The following PRKCQ variants were observed in gnomAD, a reference collection of about 807,000 sequenced individuals.
PRKCQ encodes the protein protein kinase C theta type.
Under a neutral mutation model 91.2 loss-of-function variants are expected in PRKCQ, and 41 were observed. That is an observed-to-expected ratio of 0.45 (90% CI 0.35 to 0.58). PRKCQ has a LOEUF of 0.58. PRKCQ is among the 20% of genes least tolerant of loss of function. PRKCQ has a pLI of 0.00. For synonymous variants in PRKCQ, 307 were observed against 316.9 expected (o/e 0.97, Z 0.33); for missense variants, 673 against 896.5 (o/e 0.75, Z 3.18).
chr10:6,440,621 C>T (rs987282604), intron 16 of PRKCQ, among the ~76,000 whole-genome samples: 1 of 152,166 alleles, frequency 6.6e-6, no homozygotes, highest in African/African-American at 2.4e-5. Flanking sequence ...CTGTCTCCTC[C>T]AGTAGTGAGC....
At chr10:6,501,651 G>A (rs1259383633) in intron 4 of PRKCQ, among the ~76,000 whole-genome samples, 2 of 151,742 alleles carry the variant, frequency 1.3e-5, no homozygotes, top group Non-Finnish European at 2.9e-5. Flanking sequence ...GTGAAACCCC[G>A]TCTCTACTAA....
rs12761302 is a variant in PRKCQ at position 6,553,498 on chromosome 10, A to T, written c.-10+26713T>A. Among the ~76,000 whole-genome samples the T allele has an allele frequency of 4.9e-3, 181 of 37,128 alleles. 1 individual carries two copies. The highest frequency in any genetic ancestry group is 0.047 in the South Asian group (27 of 578). 24.4% of individuals were successfully genotyped at this position (37,128 alleles called of 152,430 possible). ...GAGCAAGACCCTGTCTCAAAAAAAAAAAAAAAAAAAAAAAAAAAACAAACA... is the reference window on the plus strand; with the variant it reads ...GAGCAAGACCCTGTCTCAAAAAAAATAAAAAAAAAAAAAAAAAAACAAACA... On this transcript the variant is annotated intron_variant, in intron 1 of 17. Coordinates refer to ENST00000263125, the MANE Select transcript of PRKCQ (RefSeq NM_006257.5).
At chr10:6,429,079 T>G (rs568077292) in intron 17 of PRKCQ, among the ~76,000 whole-genome samples, 2 of 152,330 alleles carry the variant, frequency 1.3e-5, no homozygotes, top group African/African-American at 4.8e-5. Context: ...GAAAGTGCTA[T>G]GAACACAGAG....
chr10:6,394,654 G>T, the PRKCQ span, among the ~76,000 whole-genome samples: 8 of 144,440 alleles, frequency 5.5e-5, no homozygotes, highest in African/African-American at 2.2e-4. Flanking sequence ...GTCCACGGTG[G>T]GTCAGCTGTT....
At chr10:6,504,045 G>A (rs1030687602) in intron 4 of PRKCQ, among the ~76,000 whole-genome samples, 1 of 152,158 alleles carries the variant, frequency 6.6e-6, no homozygotes, top group Non-Finnish European at 1.5e-5. Context: ...CCAAAGTGCT[G>A]GGATTATAGG....
chr10:6,500,646 T>C (rs1837853662), intron 4 of PRKCQ, among the ~76,000 whole-genome samples: 1 of 152,158 alleles, frequency 6.6e-6, no homozygotes, highest in Non-Finnish European at 1.5e-5. Context: ...TAATTTTTTT[T>C]GTATTGACTA....
At chr10:6,573,332 G>A (rs1002363207) in intron 1 of PRKCQ, among the ~76,000 whole-genome samples, 1 of 152,130 alleles carries the variant, frequency 6.6e-6, no homozygotes. Flanking sequence ...CTCTCAAAAC[G>A]ACAAGAACAA....
the PRKCQ span, among the ~76,000 whole-genome samples, chr10:6,402,494 C>T: frequency 6.6e-6 from 1 of 152,104 alleles, no homozygotes; most frequent in Non-Finnish European, 1.5e-5. Context: ...AGCCTGACTC[C>T]GCATCTCCCT....
intron 12 of PRKCQ, among the ~76,000 whole-genome samples, chr10:6,472,955 C>T (rs1274605268): frequency 6.6e-6 from 1 of 152,182 alleles, no homozygotes; most frequent in Non-Finnish European, 1.5e-5. Context: ...CCAAGGTGAT[C>T]CACCCGCTTC....
At chr10:6,508,939 A>C (rs901960451) in intron 3 of PRKCQ, among the ~76,000 whole-genome samples, 1 of 152,252 alleles carries the variant, frequency 6.6e-6, no homozygotes, top group Non-Finnish European at 1.5e-5. Context: ...CATGAAAGGC[A>C]AATTTGAGAG....
chr10:6,417,071 T>G, the PRKCQ span, among the ~76,000 whole-genome samples: 1 of 152,178 alleles, frequency 6.6e-6, no homozygotes, highest in South Asian at 2.1e-4. Flanking sequence ...TTTGGGACAC[T>G]AGAGGTCTCC....
At chr10:6,496,076 C>T (rs535816375) in intron 7 of PRKCQ, among the ~76,000 whole-genome samples, 1 of 151,770 alleles carries the variant, frequency 6.6e-6, no homozygotes, top group Non-Finnish European at 1.5e-5. Flanking sequence ...ATTAGCCAGG[C>T]GTGGTGGCAT....
chr10:6,573,503 CA>C (rs1052871308), intron 1 of PRKCQ, among the ~76,000 whole-genome samples: 1 of 152,220 alleles, frequency 6.6e-6, no homozygotes, highest in Non-Finnish European at 1.5e-5. Context: ...TACATGTTCT[CA>C]AAGCACCCAA....
rs185431484 is a variant in PRKCQ at position 6,471,618 on chromosome 10, C to T, written c.1354-7214G>A. On this transcript the variant is annotated intron_variant, in intron 12 of 17. Transcript: ENST00000263125. ...AAAAAAAATTAGCTGGGCGCAGTGG[C>T]GCACGCTTGTAATTCCAGCTACTTG... Among the ~76,000 whole-genome samples, 14 of 152,252 alleles carry T rather than the reference C, an allele frequency of 9.2e-5. No individual in the cohort carries two copies. The East Asian group carries it at 1.5e-3, about 17-fold the overall frequency.
At chr10:6,441,846 AGACCTAATGCTCGTCTTAT>A in intron 16 of PRKCQ, 28 bp downstream of exon 16, 1 of 1,527,096 alleles carries the variant, frequency 6.5e-7, no homozygotes, top group Non-Finnish European at 8.9e-7. Context: ...ACTGACCAGA[AGACCTAATGCTCGTCTTAT>A]GAAGACGCTC....
the PRKCQ span, among the ~76,000 whole-genome samples, chr10:6,414,606 T>A: frequency 0.016 from 2,486 of 152,246 alleles, 73 homozygotes; most frequent in African/African-American, 0.057. Flanking sequence ...AGTCTAGACA[T>A]AAAATATCTC....
At chr10:6,561,454 A>G (rs992657930) in intron 1 of PRKCQ, among the ~76,000 whole-genome samples, 11 of 151,954 alleles carry the variant, frequency 7.2e-5, no homozygotes, top group Non-Finnish European at 1.6e-4. Flanking sequence ...AACTTTTTGG[A>G]ATCTTGTGCT....
chr10:6,417,801 T>C, the PRKCQ span, among the ~76,000 whole-genome samples: 2 of 152,256 alleles, frequency 1.3e-5, no homozygotes, highest in African/African-American at 4.8e-5. Flanking sequence ...TGTCACTCCA[T>C]GTCCCTTGGC....
At position 6,553,691 on chromosome 10, in the gene PRKCQ, T is replaced by G. The variant is rs74873702; in HGVS notation, c.-10+26520A>C. Among the ~76,000 whole-genome samples the G allele has an allele frequency of 4.3e-3, 657 of 152,150 alleles. 3 individuals are homozygous for G. Among genetic ancestry groups the G allele is most frequent in the African/African-American group, 0.015 (617 of 41,530 alleles). On this transcript the variant is annotated intron_variant, in intron 1 of 17. Coordinates refer to ENST00000263125, the MANE Select transcript of PRKCQ (RefSeq NM_006257.5). ...GTAGATACCTCCTTGGGAACATATT[T>G]GAGAGTTTCGATAGAATACATGCAA...
Sources: gnomAD v4.1 joint callset for allele counts (sites outside exome capture counted in the v4.1 genomes callset) on GRCh38, gnomAD v4.1.1 for gene constraint, MANE v1.5 for transcripts, NCBI Gene and HGNC (gene_info 2026-07-23, HGNC 2026-07-21) for gene names.